CLVS1: variants seen among roughly 807,000 people sequenced by gnomAD.
The protein encoded by CLVS1 is clavesin 1, also known as clavesin-1.
A neutral mutation model predicts 33.1 loss-of-function variants in CLVS1; 10 were observed. The observed-to-expected ratio is 0.30, with a 90% CI of 0.19 to 0.51. The LOEUF (loss-of-function observed/expected upper bound fraction) is 0.51. CLVS1 is among the 20% of genes least tolerant of loss of function. CLVS1 has a pLI of 0.97. For synonymous variants in CLVS1, 163 were observed against 166.1 expected (o/e 0.98, Z 0.14); for missense variants, 343 against 433.4 (o/e 0.79, Z 1.85).
At chr8:61,418,341 A>G (rs186170919) in intron 3 of CLVS1, among the ~76,000 whole-genome samples, 11 of 152,306 alleles carry the variant, frequency 7.2e-5, no homozygotes, top group Admixed American at 7.2e-4. Flanking sequence ...ACTCAAAAAA[A>G]ACCAACTATT....
intron 1 of CLVS1, among the ~76,000 whole-genome samples, chr8:61,057,404 ACACACACACC>A (rs1247032992): frequency 7.0e-6 from 1 of 143,040 alleles, no homozygotes; most frequent in African/African-American, 2.7e-5. Flanking sequence ...ACACACACAC[ACACACACACC>A]CCATCCAAGG....
intron 3 of CLVS1, among the ~76,000 whole-genome samples, chr8:61,437,331 G>A (rs1816368625): frequency 1.3e-5 from 2 of 152,182 alleles, no homozygotes; most frequent in African/African-American, 2.4e-5. Context: ...TGCAAATAAA[G>A]TTTTCAGGTA....
At chr8:61,054,810 C>T (rs1271280432), upstream of CLVS1, among the ~76,000 whole-genome samples, 5 of 152,134 alleles carry the variant, frequency 3.3e-5, no homozygotes, top group African/African-American at 1.2e-4. Flanking sequence ...CTGAGCTTCT[C>T]ACCCTGCACA....
At chr8:61,058,201 G>C (rs1187403896) in intron 1 of CLVS1, among the ~76,000 whole-genome samples, 1 of 152,160 alleles carries the variant, frequency 6.6e-6, no homozygotes, top group East Asian at 1.9e-4. Context: ...GCTGAGGCTG[G>C]TGTGCAAAGT....
At chr8:61,471,937 G>A (rs375043888) in intron 5 of CLVS1, among the ~76,000 whole-genome samples, 4 of 152,080 alleles carry the variant, frequency 2.6e-5, no homozygotes, top group Admixed American at 6.6e-5. Context: ...GGCCCCTCCC[G>A]GGCACACACA....
the CLVS1 span, among the ~76,000 whole-genome samples, chr8:61,022,457 T>C: frequency 6.6e-6 from 1 of 152,226 alleles, no homozygotes; most frequent in Non-Finnish European, 1.5e-5. Context: ...GTTATTTATA[T>C]TTTTAATTGT....
intron 2 of CLVS1, among the ~76,000 whole-genome samples, chr8:61,351,907 G>A (rs1585842983): frequency 6.9e-6 from 1 of 145,958 alleles, no homozygotes; most frequent in African/African-American, 2.5e-5. Context: ...TTTGTTCCTA[G>A]CAGACCTACC....
At chr8:60,995,929 G>A in the CLVS1 span, among the ~76,000 whole-genome samples, 9 of 152,042 alleles carry the variant, frequency 5.9e-5, no homozygotes, top group East Asian at 5.8e-4. Flanking sequence ...ACCAAACACC[G>A]CATATTCTCA....
chr8:61,021,343 TTTTGTTTG>T, the CLVS1 span, among the ~76,000 whole-genome samples: 4 of 151,874 alleles, frequency 2.6e-5, no homozygotes, highest in African/African-American at 7.3e-5. Context: ...CACGGTTGTG[TTTTGTTTG>T]TTTGTTTGTT....
intron 1 of CLVS1, among the ~76,000 whole-genome samples, chr8:61,128,200 C>G (rs10101715): frequency 0.2 from 30,821 of 152,052 alleles, 3,523 homozygotes; most frequent in African/African-American, 0.3. Flanking sequence ...GTCATGATAC[C>G]AAGACTTATG....
rs147543817 is a variant in CLVS1, at chr8:61,328,330, T to A, written c.455+28048T>A. Reference sequence around the variant, plus strand: ...GCTAAAGGAAAAGAGGAGAGAGGAATTATTGTTGTGTTTTCTAATGGGGTA... The same window carrying A: ...GCTAAAGGAAAAGAGGAGAGAGGAAATATTGTTGTGTTTTCTAATGGGGTA... On this transcript the variant is annotated intron_variant, in intron 2 of 5. Transcript: ENST00000325897. Among the ~76,000 whole-genome samples, 901 of 151,958 alleles carry A rather than the reference T, an allele frequency of 5.9e-3. 22 individuals are homozygous for A. Among genetic ancestry groups the A allele is most frequent in the Admixed American group, 0.054 (827 of 15,278 alleles).
In CLVS1 at chr8:61,155,110, T is replaced by C. The variant is rs929906585; in HGVS notation, c.-152+23250T>C. Among the ~76,000 whole-genome samples the C allele has an allele frequency of 5.9e-5, 9 of 152,312 alleles. No individual in the cohort carries two copies. The South Asian group carries it at 1.7e-3, about 28-fold the overall frequency. On this transcript the variant is annotated intron_variant, in intron 2 of 2. Transcript: ENST00000522621. ...CAGATGTTGTCAGAAACAGGAAATA[T>C]AAAATTTCGAGCAAACTGCATGTTA...
intron 2 of CLVS1, among the ~76,000 whole-genome samples, chr8:61,132,221 C>G (rs1039697163): frequency 6.6e-6 from 1 of 152,238 alleles, no homozygotes; most frequent in African/African-American, 2.4e-5. Context: ...CCTAAACTGA[C>G]CGAGTCTTGT....
intron 2 of CLVS1, among the ~76,000 whole-genome samples, chr8:61,204,171 C>T (rs751350247): frequency 3.3e-5 from 5 of 152,108 alleles, no homozygotes; most frequent in Non-Finnish European, 5.9e-5. Flanking sequence ...CTCAGCATAA[C>T]CTGATCATAG....
chr8:61,117,696 C>G (rs1295502806), intron 1 of CLVS1, among the ~76,000 whole-genome samples: 3 of 152,116 alleles, frequency 2.0e-5, no homozygotes, highest in African/African-American at 7.2e-5. Flanking sequence ...GTATATTGAA[C>G]CAGCCTTGCA....
intron 5 of CLVS1, among the ~76,000 whole-genome samples, chr8:61,489,646 A>G (rs1265080018): frequency 6.6e-6 from 1 of 152,226 alleles, no homozygotes; most frequent in Non-Finnish European, 1.5e-5. Context: ...TGTTCAACAA[A>G]TGGTTGTTGA....
At chr8:61,240,736 A>AT (rs890531388) in intron 2 of CLVS1, among the ~76,000 whole-genome samples, 13 of 151,572 alleles carry the variant, frequency 8.6e-5, no homozygotes, top group African/African-American at 2.9e-4. Flanking sequence ...TTTTATTATT[A>AT]TTTTTTTCAC....
At chr8:61,479,642 G>T (rs1818106560) in intron 5 of CLVS1, among the ~76,000 whole-genome samples, 1 of 152,138 alleles carries the variant, frequency 6.6e-6, no homozygotes, top group Admixed American at 6.5e-5. Context: ...GCATTCCTTT[G>T]GAGGAGGAGA....
chr8:61,486,286 A>T (rs1340298537), intron 5 of CLVS1, among the ~76,000 whole-genome samples: 1 of 152,114 alleles, frequency 6.6e-6, no homozygotes, highest in African/African-American at 2.4e-5. Context: ...GTCAGGCCAA[A>T]AATAAATGTC....
Sources: gnomAD v4.1 joint callset for allele counts (sites outside exome capture counted in the v4.1 genomes callset) on GRCh38, gnomAD v4.1.1 for gene constraint, MANE v1.5 for transcripts, NCBI Gene and HGNC (gene_info 2026-07-23, HGNC 2026-07-21) for gene names.